Variants in CNTNAP4 observed in about 807,000 individuals in gnomAD.
CNTNAP4 encodes contactin-associated protein-like 4.
Under a neutral mutation model 148.4 loss-of-function variants are expected in CNTNAP4, and 98 were observed. The ratio of observed to expected loss-of-function variants is 0.66; its 90% CI spans 0.56 to 0.78. The LOEUF is 0.78. CNTNAP4 is among the 30% of genes least tolerant of loss of function. The pLI is 0.00. For synonymous variants in CNTNAP4, 730 were observed against 565.1 expected (o/e 1.29, Z -4.14); for missense variants, 1,935 against 1,565.6 (o/e 1.24, Z -3.98).
chr16:76,284,438 A>G (rs1958804032), intron 1 of CNTNAP4, among the ~76,000 whole-genome samples: 1 of 151,982 alleles, frequency 6.6e-6, no homozygotes, highest in South Asian at 2.1e-4. Flanking sequence ...CCCAAACCTC[A>G]TGCAGACAAA....
intron 2 of CNTNAP4, among the ~76,000 whole-genome samples, chr16:76,336,335 T>C (rs1353753628): frequency 1.3e-5 from 2 of 152,228 alleles, no homozygotes. Context: ...GAGCCTACTG[T>C]GAACATCTCT....
At chr16:76,519,729 T>C (rs1373321669) in intron 15 of CNTNAP4, among the ~76,000 whole-genome samples, 2 of 152,212 alleles carry the variant, frequency 1.3e-5, no homozygotes, top group Non-Finnish European at 2.9e-5. Flanking sequence ...AGGCTTGATG[T>C]GACTCTGATA....
At chr16:76,410,604 G>A (rs1466159413) in intron 3 of CNTNAP4, among the ~76,000 whole-genome samples, 1 of 151,718 alleles carries the variant, frequency 6.6e-6, no homozygotes, top group African/African-American at 2.4e-5. Context: ...AATGACAGAT[G>A]AGTTTGTCTT....
At chr16:76,341,996 T>C (rs1464616931) in intron 2 of CNTNAP4, among the ~76,000 whole-genome samples, 3 of 152,236 alleles carry the variant, frequency 2.0e-5, no homozygotes, top group Admixed American at 2.0e-4. Flanking sequence ...TTTTTGCTGA[T>C]GAGTTTTCTC....
intron 8 of CNTNAP4, among the ~76,000 whole-genome samples, chr16:76,456,715 G>A (rs372751449): frequency 6.6e-6 from 1 of 151,930 alleles, no homozygotes; most frequent in Non-Finnish European, 1.5e-5. Context: ...TAGCTGTTGC[G>A]GCCTATTTTT....
At chr16:76,414,014 A>G (rs539768507) in intron 3 of CNTNAP4, among the ~76,000 whole-genome samples, 1 of 151,258 alleles carries the variant, frequency 6.6e-6, no homozygotes, top group Non-Finnish European at 1.5e-5. Context: ...AGGCAGTTTT[A>G]TTTCTTCCTT....
chr16:76,538,883 C>T (rs930686103), intron 19 of CNTNAP4, among the ~76,000 whole-genome samples: 1 of 151,930 alleles, frequency 6.6e-6, no homozygotes, highest in Non-Finnish European at 1.5e-5. Context: ...CTACAGAAAA[C>T]CATTTACTGC....
At chr16:76,282,160 C>T (rs189878879) in intron 1 of CNTNAP4, among the ~76,000 whole-genome samples, 15 of 151,880 alleles carry the variant, frequency 9.9e-5, no homozygotes, top group Admixed American at 6.6e-4. Context: ...TGGTACTGAA[C>T]GCAATGCTAT....
intron 3 of CNTNAP4, among the ~76,000 whole-genome samples, chr16:76,421,184 A>G (rs1222192247): frequency 2.0e-5 from 3 of 152,072 alleles, no homozygotes; most frequent in Admixed American, 6.6e-5. Flanking sequence ...AGATTCTAAT[A>G]TAATGATTTG....
chr16:76,433,414 C>T (rs1597519253), intron 4 of CNTNAP4, among the ~76,000 whole-genome samples: 1 of 152,046 alleles, frequency 6.6e-6, no homozygotes, highest in Non-Finnish European at 1.5e-5. Flanking sequence ...ATAAATTAAA[C>T]ATCAATCATT....
At chr16:76,490,331 A>G (rs2082170358) in intron 13 of CNTNAP4, among the ~76,000 whole-genome samples, 1 of 152,196 alleles carries the variant, frequency 6.6e-6, no homozygotes, top group South Asian at 2.1e-4. Context: ...GTATAATGGA[A>G]AATTAGAAAA....
At chr16:76,361,321 C>A (rs1420446036) in intron 3 of CNTNAP4, among the ~76,000 whole-genome samples, 1 of 152,122 alleles carries the variant, frequency 6.6e-6, no homozygotes, top group African/African-American at 2.4e-5. Context: ...TATCCCCTGG[C>A]AACCATCATT....
At chr16:76,441,966 G>C (rs1255101831) in intron 4 of CNTNAP4, among the ~76,000 whole-genome samples, 2 of 152,114 alleles carry the variant, frequency 1.3e-5, no homozygotes, top group East Asian at 3.9e-4. Flanking sequence ...GTAACTCACT[G>C]TGATAAAGAG....
rs7197446 is a variant in CNTNAP4, at chr16:76,540,857, G to A, written c.3442+67G>A. The A allele has an allele frequency of 2.7e-6, 3 of 1,109,350 alleles. No homozygotes were observed. In the Admixed American group the frequency reaches 6.3e-5, roughly 23 times the overall value. The allele number at this position is 1,109,350 out of a possible 1,614,324, so 68.7% of individuals were successfully genotyped here. A position where few individuals can be genotyped will look rare whatever the true frequency, so the allele number is the denominator to read the frequency against. ...TGATACATAAGCATGGATCAGAAAA[G>A]TCATATTACACACACCCACTTCGTC... is the stretch of plus-strand genomic sequence containing the variant. On this transcript the variant is annotated intron_variant, in intron 21 of 23. Coordinates refer to ENST00000611870, the MANE Select transcript of CNTNAP4 (RefSeq NM_033401.5).
chr16:76,290,463 C>T (rs12922415), intron 1 of CNTNAP4, among the ~76,000 whole-genome samples: 358 of 152,280 alleles, frequency 2.4e-3, no homozygotes, highest in Non-Finnish European at 4.2e-3. Context: ...TTTGATTAGT[C>T]GGAGTGAAGT....
chr16:76,400,759 C>G (rs2078380454), intron 3 of CNTNAP4, among the ~76,000 whole-genome samples: 1 of 152,148 alleles, frequency 6.6e-6, no homozygotes, highest in Admixed American at 6.5e-5. Flanking sequence ...CTACTTATGG[C>G]TAGCTGGCTA....
chr16:76,348,393 C>T (rs1965090407), intron 2 of CNTNAP4, among the ~76,000 whole-genome samples: 1 of 151,696 alleles, frequency 6.6e-6, no homozygotes, highest in South Asian at 2.1e-4. Flanking sequence ...ATTTTTGACA[C>T]GTGGGTAATG....
rs1196932627 is a variant in CNTNAP4, at chr16:76,535,635, A to G, written c.2846A>G (p.Gln949Arg). 1.7e-5 allele frequency: 27 copies of G among 1,613,944 alleles called. No homozygotes were observed. The highest frequency in any genetic ancestry group is 2.2e-5 in the Non-Finnish European group (26 of 1,180,036). ...ACCCTGGATTTGGAAGAAAGAGCCCAGGTGACTCCAGAAGTGCAGCCAGGT... is the reference window on the plus strand; with the variant it reads ...ACCCTGGATTTGGAAGAAAGAGCCCGGGTGACTCCAGAAGTGCAGCCAGGT... ...GMTLDLEERA[Q>R]VTPEVQPGCR... The change falls in exon 18 of 24, where the codon CAG becomes CGG. Residue 949 changes from glutamine (Q) to arginine (R), a missense_variant. Coordinates refer to ENST00000611870, the MANE Select transcript of CNTNAP4 (RefSeq NM_033401.5).
At chr16:76,479,622 T>C in intron 12 of CNTNAP4, 84 bp downstream of exon 12, 1 of 1,392,366 alleles carries the variant, frequency 7.2e-7, no homozygotes, top group Non-Finnish European at 9.8e-7. Flanking sequence ...AGCAGAATGT[T>C]GACGTAATTT....
Sources: allele counts gnomAD v4.1 joint callset (sites outside exome capture counted in the v4.1 genomes callset), GRCh38; gene constraint gnomAD v4.1.1; transcripts MANE v1.5; gene names NCBI Gene and HGNC (gene_info 2026-07-23, HGNC 2026-07-21).